EXOC4: variants seen among roughly 807,000 people sequenced by gnomAD.
The protein encoded by EXOC4 is exocyst complex component 4, also known as SEC8-like 1.
A neutral mutation model predicts 107.2 loss-of-function variants in EXOC4; 71 were observed. The ratio of observed to expected loss-of-function variants is 0.66; its 90% CI spans 0.55 to 0.81. EXOC4 has a LOEUF of 0.81. Among genes scored for constraint, EXOC4 ranks in the 30% least tolerant of loss-of-function variants. The probability of loss-of-function intolerance (pLI) is 0.00; values close to 1 mark genes in which losing one functional copy is unlikely to be tolerated. For synonymous variants in EXOC4, 456 were observed against 441.2 expected, an observed-to-expected ratio of 1.03 and a Z score of -0.42; for missense variants, 1,108 against 1,189.6, an observed-to-expected ratio of 0.93 and a Z score of 1.01.
At chr7:133,620,097 A>G (rs898013376) in intron 9 of EXOC4, among the ~76,000 whole-genome samples, 5 of 151,668 alleles carry the variant, frequency 3.3e-5, no homozygotes, top group Non-Finnish European at 7.4e-5. Flanking sequence ...ATCTTGGTTT[A>G]CTGCAACTTC....
chr7:133,515,495 G>C (rs1799856459), intron 9 of EXOC4, among the ~76,000 whole-genome samples: 1 of 152,040 alleles, frequency 6.6e-6, no homozygotes, highest in Non-Finnish European at 1.5e-5. Context: ...GAGAGAGACT[G>C]TTTCATTCTG....
chr7:134,077,063 C>T, the EXOC4 span, among the ~76,000 whole-genome samples: 5 of 152,114 alleles, frequency 3.3e-5, 1 homozygote, highest in South Asian at 1.0e-3. Context: ...GAGAAGTTCC[C>T]TAATCTGCCA....
intron 17 of EXOC4, among the ~76,000 whole-genome samples, chr7:134,048,046 T>C (rs1272061475): frequency 1.3e-5 from 2 of 152,146 alleles, no homozygotes; most frequent in Non-Finnish European, 2.9e-5. Flanking sequence ...GAGTCACAGA[T>C]GAAATCATAG....
At chr7:133,713,959 T>G (rs1022898364) in intron 10 of EXOC4, among the ~76,000 whole-genome samples, 1 of 152,072 alleles carries the variant, frequency 6.6e-6, no homozygotes, top group Non-Finnish European at 1.5e-5. Context: ...TCATAGAACA[T>G]AAGAGCTATA....
At chr7:133,578,476 C>G (rs1335116045) in intron 9 of EXOC4, among the ~76,000 whole-genome samples, 1 of 152,116 alleles carries the variant, frequency 6.6e-6, no homozygotes, top group Non-Finnish European at 1.5e-5. Context: ...TTTCTTATCA[C>G]TATGGCTAGC....
intron 10 of EXOC4, among the ~76,000 whole-genome samples, chr7:133,786,414 G>T (rs1796570107): frequency 6.6e-6 from 1 of 152,230 alleles, no homozygotes; most frequent in Admixed American, 6.5e-5. Flanking sequence ...GCTGGATGCT[G>T]TGGATCCTTC....
chr7:133,939,591 G>T (rs1305479064), intron 14 of EXOC4, among the ~76,000 whole-genome samples: 1 of 152,122 alleles, frequency 6.6e-6, no homozygotes, highest in Non-Finnish European at 1.5e-5. Flanking sequence ...TGAACTTCTG[G>T]CTTTAGGTGG....
chr7:134,008,700 T>C (rs1461039238), intron 17 of EXOC4, among the ~76,000 whole-genome samples: 1 of 152,078 alleles, frequency 6.6e-6, no homozygotes, highest in Non-Finnish European at 1.5e-5. Flanking sequence ...TGGAGTGCAG[T>C]GGTGTGAACA....
chr7:133,719,681 G>A (rs982197919), intron 10 of EXOC4, among the ~76,000 whole-genome samples: 3 of 151,998 alleles, frequency 2.0e-5, no homozygotes, highest in African/African-American at 7.3e-5. Flanking sequence ...AAGGCATAGT[G>A]ACAAAAACAA....
intron 9 of EXOC4, among the ~76,000 whole-genome samples, chr7:133,527,319 G>A (rs1470465277): frequency 5.9e-5 from 9 of 151,386 alleles, no homozygotes; most frequent in African/African-American, 1.7e-4. Flanking sequence ...CAGGAGAATC[G>A]CATGAACCTG....
chr7:134,033,862 A>G (rs545982664), intron 17 of EXOC4, among the ~76,000 whole-genome samples: 1 of 152,372 alleles, frequency 6.6e-6, no homozygotes, highest in South Asian at 2.1e-4. Context: ...ATAATGAAGC[A>G]TTCTTTCTCA....
intron 14 of EXOC4, among the ~76,000 whole-genome samples, chr7:133,975,345 G>C (rs993691435): frequency 1.3e-5 from 2 of 152,054 alleles, no homozygotes; most frequent in Non-Finnish European, 2.9e-5. Context: ...TAGAATACTA[G>C]ATAAGTTCTT....
chr7:133,597,022 G>A (rs116643502), intron 9 of EXOC4, among the ~76,000 whole-genome samples: 12 of 152,202 alleles, frequency 7.9e-5, no homozygotes, highest in African/African-American at 2.4e-4. Context: ...TTAGTTTGTC[G>A]TCTTCAGTAT....
chr7:133,547,235 GTA>G (rs1162904112), intron 9 of EXOC4, among the ~76,000 whole-genome samples: 1 of 152,184 alleles, frequency 6.6e-6, no homozygotes, highest in Non-Finnish European at 1.5e-5. Flanking sequence ...AGTGTAGTTT[GTA>G]AAGTGTGTGA....
intron 9 of EXOC4, among the ~76,000 whole-genome samples, chr7:133,594,958 C>T (rs535772520): frequency 9.9e-5 from 15 of 152,106 alleles, no homozygotes; most frequent in Non-Finnish European, 2.1e-4. Flanking sequence ...ATTTCAGATC[C>T]AATGGTCAGG....
At chr7:133,395,747 A>T (rs1796957780) in intron 7 of EXOC4, among the ~76,000 whole-genome samples, 1 of 152,092 alleles carries the variant, frequency 6.6e-6, no homozygotes, top group African/African-American at 2.4e-5. Context: ...TTCTGTGGGG[A>T]TTTAATCTGA....
chr7:133,604,674 T>C (rs1179344763), intron 9 of EXOC4, among the ~76,000 whole-genome samples: 3 of 149,844 alleles, frequency 2.0e-5, no homozygotes, highest in Non-Finnish European at 4.4e-5. Flanking sequence ...CTTATAGCAC[T>C]GATTTCTTTT....
At chr7:133,585,846 A>G (rs71535760) in intron 9 of EXOC4, among the ~76,000 whole-genome samples, 1 of 151,960 alleles carries the variant, frequency 6.6e-6, no homozygotes, top group Non-Finnish European at 1.5e-5. Context: ...GGCATGCACC[A>G]CCACACCCAG....
chr7:133,882,364 C>G (rs1798983849), intron 11 of EXOC4, among the ~76,000 whole-genome samples: 1 of 152,100 alleles, frequency 6.6e-6, no homozygotes, highest in South Asian at 2.1e-4. Context: ...CTTTCTCTGC[C>G]TTCTGATAGG....
Sources: allele counts gnomAD v4.1 joint callset (sites outside exome capture counted in the v4.1 genomes callset), GRCh38; gene constraint gnomAD v4.1.1; transcripts MANE v1.5; gene names NCBI Gene and HGNC (gene_info 2026-07-23, HGNC 2026-07-21).